LRCH1: variants seen among roughly 807,000 people sequenced by gnomAD.
LRCH1 encodes leucine rich repeats and calponin homology domain containing 1, also known as leucine-rich repeat and calponin homology domain-containing protein 1.
Under a neutral mutation model 94.9 loss-of-function variants are expected in LRCH1, and 23 were observed. That is an observed-to-expected ratio of 0.24 (90% CI 0.17 to 0.34). The LOEUF (loss-of-function observed/expected upper bound fraction) is 0.34, where lower values mean the gene tolerates loss of function less well. Among genes scored for constraint, LRCH1 ranks in the 10% least tolerant of loss-of-function variants. The pLI, the probability that LRCH1 is intolerant of heterozygous loss-of-function variation, is 1.00. For synonymous variants in LRCH1, 364 were observed against 354.9 expected, an observed-to-expected ratio of 1.03 and a Z score of -0.29; for missense variants, 790 against 945.9, an observed-to-expected ratio of 0.84 and a Z score of 2.16.
At chr13:46,598,247 A>G (rs1359964651) in intron 1 of LRCH1, among the ~76,000 whole-genome samples, 1 of 152,218 alleles carries the variant, frequency 6.6e-6, no homozygotes, top group African/African-American at 2.4e-5. Context: ...TTCCTCTAGA[A>G]GTTCCAGAAA....
downstream of LRCH1, among the ~76,000 whole-genome samples, chr13:46,749,260 T>C (rs1874029404): frequency 6.6e-6 from 1 of 152,172 alleles, no homozygotes; most frequent in African/African-American, 2.4e-5. Context: ...CTAGACGATA[T>C]TATGCTAAGT....
chr13:46,553,658 C>G lies in LRCH1; in HGVS notation c.262C>G (p.Arg88Gly), dbSNP rs779692870. ...LSARKLKEFP[R>G]TAAPGHDLSD... ...CGCCAGGAAATTGAAGGAATTTCCC[C>G]GTACCGCAGCCCCCGGGCACGACCT... The change falls in exon 1 of 20, where the codon CGT (arginine) becomes GGT (glycine). Residue 88 changes from arginine (R) to glycine (G), a missense_variant. Physicochemically the swap from Arg to Gly is moderately radical, Grantham distance 125. This residue lies in a region of LRCH1 where 136 missense variants were observed against 143.5 expected (regional missense o/e 0.95). Coordinates refer to ENST00000389797, the MANE Select transcript of LRCH1 (RefSeq NM_001164211.2). The G allele has an allele frequency of 9.9e-6, 16 of 1,608,848 alleles. No homozygotes were observed. Among genetic ancestry groups the G allele is most frequent in the Non-Finnish European group, 1.3e-5 (15 of 1,178,616 alleles).
intron 3 of LRCH1, among the ~76,000 whole-genome samples, chr13:46,675,501 A>T (rs1448797916): frequency 2.0e-5 from 3 of 152,172 alleles, no homozygotes; most frequent in Non-Finnish European, 4.4e-5. Flanking sequence ...TCAAGTAACG[A>T]CTTGTTGGAA....
intron 1 of LRCH1, among the ~76,000 whole-genome samples, chr13:46,643,158 C>T (rs967329643): frequency 1.3e-5 from 2 of 152,196 alleles, no homozygotes; most frequent in African/African-American, 2.4e-5. Flanking sequence ...CATTTGCTCC[C>T]TCTTATTTGG....
intron 1 of LRCH1, among the ~76,000 whole-genome samples, chr13:46,612,616 T>G (rs750546224): frequency 2.4e-4 from 36 of 152,200 alleles, no homozygotes; most frequent in Non-Finnish European, 4.1e-4. Flanking sequence ...AGGACCACTC[T>G]CTTTTCTTCT....
chr13:46,646,351 C>A (rs760739830), intron 1 of LRCH1, among the ~76,000 whole-genome samples: 1 of 152,102 alleles, frequency 6.6e-6, no homozygotes, highest in Non-Finnish European at 1.5e-5. Flanking sequence ...ATAAGCAATG[C>A]GTTGATATCT....
At chr13:46,723,558 T>C (rs917279690) in intron 17 of LRCH1, among the ~76,000 whole-genome samples, 35 of 152,166 alleles carry the variant, frequency 2.3e-4, no homozygotes, top group African/African-American at 7.7e-4. Context: ...CGCAGAACTT[T>C]AGGAGGTAGA....
At chr13:46,693,529 T>A (rs1425168628) in intron 8 of LRCH1, among the ~76,000 whole-genome samples, 1 of 152,182 alleles carries the variant, frequency 6.6e-6, no homozygotes, top group South Asian at 2.1e-4. Flanking sequence ...AGTTGAGGTG[T>A]GTGTTCAAGA....
intron 1 of LRCH1, among the ~76,000 whole-genome samples, chr13:46,568,713 A>T (rs572389210): frequency 1.1e-4 from 17 of 152,326 alleles, no homozygotes; most frequent in African/African-American, 4.1e-4. Context: ...AGCATATAGA[A>T]AGGTGATCAC....
chr13:46,706,476 T>C (rs1871766151), intron 13 of LRCH1, among the ~76,000 whole-genome samples: 1 of 152,244 alleles, frequency 6.6e-6, no homozygotes, highest in Admixed American at 6.5e-5. Flanking sequence ...GGAAGTCTTT[T>C]ATTTGCAGTC....
intron 13 of LRCH1, 200 bp downstream of exon 13, chr13:46,705,504 T>C: frequency 2.9e-6 from 2 of 699,538 alleles, no homozygotes; most frequent in East Asian, 5.4e-5. Flanking sequence ...CCTCACCCTC[T>C]GTTGAAGATG....
intron 1 of LRCH1, among the ~76,000 whole-genome samples, chr13:46,581,966 A>G (rs1218020400): frequency 2.0e-5 from 3 of 152,180 alleles, no homozygotes; most frequent in Non-Finnish European, 4.4e-5. Flanking sequence ...CCTGGCCAAT[A>G]TGGCGAAACC....
At position 46,553,578 on chromosome 13, in the gene LRCH1, G is replaced by A. The variant is rs1385518106; in HGVS notation, c.182G>A (p.Arg61Gln). ...GSGGFNLPLN[R>Q]GLERALEEAA... is the part of the protein sequence containing the mutation. ...GGGGGCTTCAACCTGCCCTTGAACC[G>A]GGGTCTGGAGCGCGCGCTTGAGGAG... The change falls in exon 1 of 20, where the codon CGG becomes CAG. Residue 61 changes from arginine (R) to glutamine (Q), a missense_variant. Around this residue, in one of 3 missense-constraint regions of LRCH1, gnomAD observed 136 missense variants for 143.5 expected, o/e 0.95. Coordinates refer to ENST00000389797, the MANE Select transcript of LRCH1 (RefSeq NM_001164211.2). The A allele has an allele frequency of 1.3e-6, 2 of 1,551,256 alleles. No individual in the cohort carries two copies. The highest frequency in any genetic ancestry group is 2.4e-5 in the East Asian group (1 of 40,984).
chr13:46,605,777 G>A (rs950466898), intron 1 of LRCH1, among the ~76,000 whole-genome samples: 3 of 152,048 alleles, frequency 2.0e-5, no homozygotes, highest in Admixed American at 1.3e-4. Flanking sequence ...TCTAAAAAAT[G>A]TTACATTTCT....
At chr13:46,712,737 C>A in intron 15 of LRCH1, 140 bp downstream of exon 15, 1 of 715,930 alleles carries the variant, frequency 1.4e-6, no homozygotes, top group Non-Finnish European at 2.4e-6. Flanking sequence ...CTAGGGGAGG[C>A]CAGAGTTTGT....
intron 18 of LRCH1, among the ~76,000 whole-genome samples, chr13:46,750,225 G>A (rs1874070295): frequency 6.6e-6 from 1 of 152,122 alleles, no homozygotes; most frequent in Non-Finnish European, 1.5e-5. Flanking sequence ...TTATATTCTT[G>A]GTGTATGCTC....
rs75537655 is a variant in LRCH1, at chr13:46,722,885, A to G, written c.1760-336A>G. Among the ~76,000 whole-genome samples the G allele has an allele frequency of 6.5e-3, 983 of 152,372 alleles. 9 individuals are homozygous for G. The highest frequency in any genetic ancestry group is 0.022 in the African/African-American group (906 of 41,588). Reference sequence around the variant, plus strand: ...TTTAATGAAAGGGTTGAGTGTAAATAAAAACTTAGAATGAAGACAGTGGGA... The same window carrying G: ...TTTAATGAAAGGGTTGAGTGTAAATGAAAACTTAGAATGAAGACAGTGGGA... On this transcript the variant is annotated intron_variant, in intron 16 of 19. Coordinates refer to ENST00000389797, the MANE Select transcript of LRCH1 (RefSeq NM_001164211.2).
chr13:46,674,645 A>G (rs1230984027), intron 3 of LRCH1, among the ~76,000 whole-genome samples: 1 of 152,242 alleles, frequency 6.6e-6, no homozygotes, highest in Non-Finnish European at 1.5e-5. Context: ...TATAAGGGGA[A>G]GAGATAAAGC....
chr13:46,686,952 ATTTTT>A (rs71077916), intron 5 of LRCH1, among the ~76,000 whole-genome samples: 5 of 85,436 alleles, frequency 5.9e-5, no homozygotes, highest in Non-Finnish European at 8.4e-5. Flanking sequence ...GAGTATATTG[ATTTTT>A]TTTTTTTTTT....
Sources: allele counts gnomAD v4.1 joint callset (sites outside exome capture counted in the v4.1 genomes callset), GRCh38; gene constraint gnomAD v4.1.1; regional missense constraint gnomAD v4.1.1; transcripts MANE v1.5; gene names NCBI Gene and HGNC (gene_info 2026-07-23, HGNC 2026-07-21).